IFTAP: variants seen among roughly 807,000 people sequenced by gnomAD.
IFTAP encodes the protein intraflagellar transport associated protein.
A neutral mutation model predicts 19.4 loss-of-function variants in IFTAP; 19 were observed. The observed-to-expected ratio is 0.98, with a 90% CI of 0.68 to 1.44. The LOEUF (loss-of-function observed/expected upper bound fraction) is 1.44, where lower values mean the gene tolerates loss of function less well. Among genes scored for constraint, IFTAP ranks in the 40% most tolerant of loss-of-function variants. The probability of loss-of-function intolerance (pLI) is 0.00; values close to 1 mark genes in which losing one functional copy is unlikely to be tolerated. For synonymous variants in IFTAP, 85 were observed against 83.5 expected (o/e 1.02, Z -0.10); for missense variants, 240 against 253.6 (o/e 0.95, Z 0.36).
At chr11:36,629,971 C>T (rs577951095) in intron 2 of IFTAP, among the ~76,000 whole-genome samples, 1 of 151,176 alleles carries the variant, frequency 6.6e-6, no homozygotes, top group East Asian at 1.9e-4. Flanking sequence ...ATTTCTAAAC[C>T]GTATTATGTC....
chr11:36,627,383 GGATACTTA>G (rs1281006254), intron 2 of IFTAP, among the ~76,000 whole-genome samples: 1 of 151,126 alleles, frequency 6.6e-6, no homozygotes, highest in Non-Finnish European at 1.5e-5. Context: ...TATTGTTCAT[GGATACTTA>G]GATACTTAGA....
intron 1 of IFTAP, among the ~76,000 whole-genome samples, chr11:36,599,734 C>T (rs532746021): frequency 6.6e-6 from 1 of 152,168 alleles, no homozygotes; most frequent in African/African-American, 2.4e-5. Flanking sequence ...ATCGTCATCT[C>T]TTCTAGTTCC....
intron 3 of IFTAP, 56 bp from the exon 4 acceptor site, chr11:36,635,995 T>G: frequency 1.7e-6 from 2 of 1,184,302 alleles, no homozygotes; most frequent in Non-Finnish European, 2.5e-6. Context: ...GACTTTTCAC[T>G]GCAGTTTTTC....
At chr11:36,621,966 G>C (rs1209011144) in intron 2 of IFTAP, among the ~76,000 whole-genome samples, 2 of 151,870 alleles carry the variant, frequency 1.3e-5, no homozygotes, top group African/African-American at 2.4e-5. Context: ...ATTGGTTTTG[G>C]GGTCTCAGTT....
intron 4 of IFTAP, among the ~76,000 whole-genome samples, chr11:36,647,068 A>G (rs968980835): frequency 1.3e-5 from 2 of 152,118 alleles, no homozygotes; most frequent in African/African-American, 2.4e-5. Flanking sequence ...TTGAATATCA[A>G]TACCTGCTCA....
intron 1 of IFTAP, among the ~76,000 whole-genome samples, chr11:36,598,637 G>A (rs959782497): frequency 1.3e-5 from 2 of 152,302 alleles, no homozygotes; most frequent in Admixed American, 1.3e-4. Context: ...GAAGGAAGGA[G>A]TTGTAATTAT....
intron 5 of IFTAP, among the ~76,000 whole-genome samples, chr11:36,649,442 A>C (rs1266874081): frequency 6.6e-6 from 1 of 152,156 alleles, no homozygotes; most frequent in Non-Finnish European, 1.5e-5. Flanking sequence ...TTTCTTTTTT[A>C]AGATTTGTTC....
chr11:36,634,336 T>A (rs117764555), intron 3 of IFTAP, among the ~76,000 whole-genome samples: 1 of 152,024 alleles, frequency 6.6e-6, no homozygotes, highest in Non-Finnish European at 1.5e-5. Flanking sequence ...GGGATAGGAG[T>A]GGAGAGTATT....
chr11:36,642,126 G>A (rs1211991450), intron 4 of IFTAP, among the ~76,000 whole-genome samples: 1 of 152,052 alleles, frequency 6.6e-6, no homozygotes, highest in Non-Finnish European at 1.5e-5. Context: ...TAATAAAGAA[G>A]AAAAGAGAGA....
chr11:36,638,127 C>T (rs562485651), intron 4 of IFTAP, among the ~76,000 whole-genome samples: 3 of 152,192 alleles, frequency 2.0e-5, no homozygotes, highest in Non-Finnish European at 2.9e-5. Context: ...GGCAATCCAC[C>T]TGCCTCGGCC....
chr11:36,601,953 A>G (rs1009288132), intron 1 of IFTAP, among the ~76,000 whole-genome samples: 1 of 152,186 alleles, frequency 6.6e-6, no homozygotes, highest in Non-Finnish European at 1.5e-5. Context: ...ACCTGGCCTG[A>G]TTCTTAATTT....
chr11:36,619,979 T>TA (rs1433534380), intron 2 of IFTAP, among the ~76,000 whole-genome samples: 2 of 102,368 alleles, frequency 2.0e-5, no homozygotes, highest in African/African-American at 9.8e-5. Context: ...GGGATAATGT[T>TA]ACCTTGAGAG....
intron 1 of IFTAP, among the ~76,000 whole-genome samples, chr11:36,607,933 A>G (rs1305150312): frequency 6.6e-6 from 1 of 152,144 alleles, no homozygotes; most frequent in African/African-American, 2.4e-5. Flanking sequence ...TTGGCCTCCC[A>G]AAGTGCTGGG....
intron 2 of IFTAP, among the ~76,000 whole-genome samples, chr11:36,622,083 A>ATTTTTTTTTTTTTTT (rs199873596): frequency 1.4e-5 from 2 of 138,174 alleles, no homozygotes; most frequent in Non-Finnish European, 3.0e-5. Flanking sequence ...CTCTTGTTCT[A>ATTTTTTTTTTTTTTT]TTTTTTATTT....
chr11:36,658,519 A>C (rs1185440769), intron 5 of IFTAP, among the ~76,000 whole-genome samples: 1 of 152,198 alleles, frequency 6.6e-6, no homozygotes, highest in East Asian at 1.9e-4. Context: ...TTATTAGCCA[A>C]GAGTTATAGG....
intron 1 of IFTAP, among the ~76,000 whole-genome samples, chr11:36,604,261 C>T (rs1851613330): frequency 6.6e-6 from 1 of 152,098 alleles, no homozygotes. Flanking sequence ...ATACCTAGGG[C>T]AATTTAATAA....
intron 2 of IFTAP, among the ~76,000 whole-genome samples, chr11:36,629,199 T>C (rs1852635346): frequency 6.6e-6 from 1 of 151,356 alleles, no homozygotes; most frequent in Non-Finnish European, 1.5e-5. Context: ...AGAGAAACAT[T>C]GCTCTAGGCA....
chr11:36,601,043 C>T (rs11033707), intron 1 of IFTAP, among the ~76,000 whole-genome samples: 5,873 of 152,230 alleles, frequency 0.039, 369 homozygotes, highest in African/African-American at 0.13. Context: ...GAACTCATGA[C>T]AGTGCATTTC....
intron 2 of IFTAP, among the ~76,000 whole-genome samples, chr11:36,630,955 T>C (rs1426781524): frequency 6.6e-6 from 1 of 151,316 alleles, no homozygotes; most frequent in Non-Finnish European, 1.5e-5. Context: ...TCTCCATGCC[T>C]ATCTTGCTCT....
Sources: gnomAD v4.1 joint callset for allele counts (sites outside exome capture counted in the v4.1 genomes callset) on GRCh38, gnomAD v4.1.1 for gene constraint, MANE v1.5 for transcripts, NCBI Gene and HGNC (gene_info 2026-07-23, HGNC 2026-07-21) for gene names.